Variants in OXR1 observed in about 807,000 individuals in gnomAD.
OXR1 encodes oxidation resistance protein 1.
A neutral mutation model predicts 104.6 loss-of-function variants in OXR1; 41 were observed. The ratio of observed to expected loss-of-function variants is 0.39; its 90% confidence interval spans 0.31 to 0.51. OXR1 has a LOEUF of 0.51. OXR1 is among the 20% of genes least tolerant of loss of function. OXR1 has a pLI of 0.77. For synonymous variants in OXR1, 348 were observed against 348.4 expected, an observed-to-expected ratio of 1.00 and a Z score of 0.01; for missense variants, 955 against 1,031.9, an observed-to-expected ratio of 0.93 and a Z score of 1.02.
intron 3 of OXR1, among the ~76,000 whole-genome samples, chr8:106,545,197 A>G (rs1007488481): frequency 3.3e-5 from 5 of 152,184 alleles, no homozygotes; most frequent in African/African-American, 4.8e-5. Flanking sequence ...CTACTCTTCT[A>G]GACACTGCCG....
At chr8:106,452,230 A>G (rs1820355216) in intron 2 of OXR1, among the ~76,000 whole-genome samples, 1 of 152,210 alleles carries the variant, frequency 6.6e-6, no homozygotes, top group Admixed American at 6.5e-5. Context: ...GAAGAGAAGC[A>G]TGATATTAGC....
At chr8:106,502,716 T>G (rs1488592231) in intron 2 of OXR1, among the ~76,000 whole-genome samples, 11 of 152,228 alleles carry the variant, frequency 7.2e-5, no homozygotes, top group African/African-American at 2.4e-4. Context: ...AAAAGAAAAC[T>G]TGACCATCTC....
intron 3 of OXR1, among the ~76,000 whole-genome samples, chr8:106,677,980 A>G (rs1403584253): frequency 6.6e-6 from 1 of 152,100 alleles, no homozygotes; most frequent in Non-Finnish European, 1.5e-5. Flanking sequence ...TTGTGGAAGA[A>G]AGGCAATGTT....
At chr8:106,506,396 G>A (rs999929958) in intron 2 of OXR1, among the ~76,000 whole-genome samples, 3 of 152,080 alleles carry the variant, frequency 2.0e-5, no homozygotes, top group Non-Finnish European at 2.9e-5. Context: ...GGCGGATCAC[G>A]AGGTCAGGAG....
At chr8:106,307,694 T>A (rs1403394123) in intron 1 of OXR1, among the ~76,000 whole-genome samples, 4 of 152,102 alleles carry the variant, frequency 2.6e-5, no homozygotes, top group Admixed American at 2.6e-4. Flanking sequence ...CCTAGGGCTG[T>A]AGTTGGTTCC....
At chr8:106,332,154 T>C (rs1043489863) in intron 1 of OXR1, among the ~76,000 whole-genome samples, 1 of 151,986 alleles carries the variant, frequency 6.6e-6, no homozygotes, top group Admixed American at 6.6e-5. Context: ...TATTAAGGAA[T>C]TGGGAAGCAA....
chr8:106,660,171 A>G (rs1825616344), intron 3 of OXR1, among the ~76,000 whole-genome samples: 1 of 152,206 alleles, frequency 6.6e-6, no homozygotes, highest in Admixed American at 6.5e-5. Context: ...GAATTAGTGA[A>G]AACTAGCTGA....
At chr8:106,654,001 G>T (rs1329486626) in intron 3 of OXR1, among the ~76,000 whole-genome samples, 1 of 151,938 alleles carries the variant, frequency 6.6e-6, no homozygotes, top group Non-Finnish European at 1.5e-5. Context: ...ACTTATTAAT[G>T]TATGTCACAA....
intron 3 of OXR1, among the ~76,000 whole-genome samples, chr8:106,539,987 A>G (rs2130316349): frequency 6.6e-6 from 1 of 152,322 alleles, no homozygotes; most frequent in African/African-American, 2.4e-5. Flanking sequence ...ACTTTATAAA[A>G]TTGACTCAAA....
intron 2 of OXR1, among the ~76,000 whole-genome samples, chr8:106,392,295 AATGGAAGAGGACTGCGTTTGAG>A (rs1439771676): frequency 1.3e-5 from 2 of 152,168 alleles, no homozygotes; most frequent in African/African-American, 4.8e-5. Context: ...AGTGGAGGAC[AATGGAAGAGGACTGCGTTTGAG>A]AGGGAAGGAT....
intron 7 of OXR1, among the ~76,000 whole-genome samples, chr8:106,699,597 T>C (rs72682862): frequency 0.011 from 1,627 of 152,344 alleles, 23 homozygotes; most frequent in South Asian, 0.065. Context: ...TTAGGCAGCA[T>C]TAGTTCTTGA....
chr8:106,312,638 C>T (rs1586507882), intron 1 of OXR1, among the ~76,000 whole-genome samples: 1 of 152,162 alleles, frequency 6.6e-6, no homozygotes, highest in Non-Finnish European at 1.5e-5. Context: ...CAGATCCAAG[C>T]TTGAATGACT....
chr8:106,328,655 T>A (rs929537466), intron 1 of OXR1, among the ~76,000 whole-genome samples: 1 of 152,112 alleles, frequency 6.6e-6, no homozygotes, highest in Non-Finnish European at 1.5e-5. Context: ...TGGTGACAAT[T>A]TTGTTTCAGA....
chr8:106,444,095 T>C (rs1387216970), intron 2 of OXR1, among the ~76,000 whole-genome samples: 1 of 151,964 alleles, frequency 6.6e-6, no homozygotes, highest in Non-Finnish European at 1.5e-5. Flanking sequence ...GAAAAAAAGC[T>C]CAATATGACT....
intron 2 of OXR1, among the ~76,000 whole-genome samples, chr8:106,482,487 G>A (rs1438507028): frequency 6.6e-6 from 1 of 151,230 alleles, no homozygotes; most frequent in Admixed American, 6.6e-5. Context: ...GAGTTACATC[G>A]ATTTTCTGAA....
chr8:106,610,702 A>G (rs1002975601), intron 3 of OXR1, among the ~76,000 whole-genome samples: 1 of 152,202 alleles, frequency 6.6e-6, no homozygotes, highest in Non-Finnish European at 1.5e-5. Flanking sequence ...TGTTCAATAC[A>G]TAATCCTACT....
At chr8:106,422,958 G>A (rs1818965061) in intron 2 of OXR1, among the ~76,000 whole-genome samples, 1 of 152,174 alleles carries the variant, frequency 6.6e-6, no homozygotes, top group South Asian at 2.1e-4. Context: ...GATTGGCCAG[G>A]AGAGACAATC....
chr8:106,282,493 C>G (rs1812329936), intron 1 of OXR1, among the ~76,000 whole-genome samples: 1 of 152,098 alleles, frequency 6.6e-6, no homozygotes, highest in Admixed American at 6.6e-5. Flanking sequence ...ACATTCGACC[C>G]CTCAAAAACT....
chr8:106,491,838 G>T (rs1026450788), intron 2 of OXR1, among the ~76,000 whole-genome samples: 1 of 152,092 alleles, frequency 6.6e-6, no homozygotes, highest in Non-Finnish European at 1.5e-5. Context: ...TTACGTGAGT[G>T]TTTAGATCAA....
Sources: allele counts gnomAD v4.1 joint callset (sites outside exome capture counted in the v4.1 genomes callset), GRCh38; gene constraint gnomAD v4.1.1; transcripts MANE v1.5; gene names NCBI Gene and HGNC (gene_info 2026-07-23, HGNC 2026-07-21).